The following CGGBP1 variants were observed in gnomAD, a reference collection of about 807,000 sequenced individuals.
CGGBP1 encodes the protein CGG triplet repeat-binding protein 1.
In CGGBP1, 4 loss-of-function variants were observed where a neutral mutation model predicts 11.4. The ratio of observed to expected loss-of-function variants is 0.35; its 90% CI spans 0.17 to 0.80. The LOEUF (loss-of-function observed/expected upper bound fraction) is 0.80. Among genes scored for constraint, CGGBP1 ranks in the 30% least tolerant of loss-of-function variants. CGGBP1 has a pLI of 0.52. For synonymous variants in CGGBP1, 76 were observed against 74.1 expected (o/e 1.03, Z -0.13); for missense variants, 135 against 202.1 (o/e 0.67, Z 2.01).
At chr3:88,073,980 C>T (rs1161886420) in intron 2 of CGGBP1, among the ~76,000 whole-genome samples, 1 of 152,020 alleles carries the variant, frequency 6.6e-6, no homozygotes, top group African/African-American at 2.4e-5. Flanking sequence ...GCTAATTAAC[C>T]TGTGATAGTG....
chr3:88,141,679 A>G (rs952645478), intron 1 of CGGBP1: 3 of 1,494,132 alleles, frequency 2.0e-6, no homozygotes, highest in Non-Finnish European at 1.8e-6. Context: ...AGATCTGTCA[A>G]TCAAGCAGTA....
intron 2 of CGGBP1, among the ~76,000 whole-genome samples, chr3:88,077,467 G>A (rs1440641727): frequency 6.6e-6 from 1 of 151,652 alleles, no homozygotes; most frequent in African/African-American, 2.4e-5. Flanking sequence ...CGAGGAGGTG[G>A]GACTACAGAC....
chr3:88,098,695 G>A (rs1250446804), intron 2 of CGGBP1, among the ~76,000 whole-genome samples: 5 of 152,186 alleles, frequency 3.3e-5, no homozygotes, highest in Middle Eastern at 3.4e-3. Context: ...ATCAATAAAC[G>A]TAATCCAGCA....
At chr3:88,098,749 G>T in intron 2 of CGGBP1, among the ~76,000 whole-genome samples, 1 of 152,160 alleles carries the variant, frequency 6.6e-6, no homozygotes, top group African/African-American at 2.4e-5. Flanking sequence ...TATCTCAATA[G>T]ATGCAGAAAA....
intron 2 of CGGBP1, among the ~76,000 whole-genome samples, chr3:88,066,176 G>C (rs924420953): frequency 5.3e-5 from 8 of 152,142 alleles, no homozygotes; most frequent in African/African-American, 1.9e-4. Flanking sequence ...ATTTTAGAAT[G>C]ACCAATGAGG....
chr3:88,141,101 A>T, intron 1 of CGGBP1: 7 of 1,521,316 alleles, frequency 4.6e-6, no homozygotes, highest in Non-Finnish European at 6.1e-6. Flanking sequence ...AAAATGGCAT[A>T]AATAAAACTA....
intron 2 of CGGBP1, among the ~76,000 whole-genome samples, chr3:88,091,810 G>C (rs1442327649): frequency 6.6e-6 from 1 of 152,150 alleles, no homozygotes; most frequent in Non-Finnish European, 1.5e-5. Flanking sequence ...ACATGCCTTT[G>C]TTCCTCCTTC....
In CGGBP1 at chr3:88,053,002, C is replaced by A. The variant is rs2107554482; in HGVS notation, c.*2471G>T. ...AAGGCAGTTTATAAATGAAACATTA[C>A]AAATCTTATGTTTATGCATACAACT... is the stretch of plus-strand genomic sequence containing the variant. On this transcript the variant is annotated 3_prime_UTR_variant, in exon 4 of 4. Transcript: ENST00000482016. The A allele has an allele frequency of 6.6e-6, 1 of 152,666 alleles. No homozygotes were observed. Among genetic ancestry groups the A allele is most frequent in the Admixed American group, 6.5e-5 (1 of 15,298 alleles). 9.5% of individuals were successfully genotyped at this position (152,666 alleles called of 1,614,324 possible).
chr3:88,135,159 A>G (rs1304150394), intron 2 of CGGBP1: 3 of 1,488,318 alleles, frequency 2.0e-6, no homozygotes, highest in Non-Finnish European at 2.7e-6. Flanking sequence ...ACAGCAACTA[A>G]TGTGAGAGTC....
At chr3:88,060,402 G>T (rs532102640), upstream of CGGBP1, among the ~76,000 whole-genome samples, 4 of 152,214 alleles carry the variant, frequency 2.6e-5, no homozygotes, top group East Asian at 7.7e-4. Flanking sequence ...TGTGTACTCT[G>T]CATTCTCATC....
At chr3:88,138,998 G>C (rs1706965688) in intron 2 of CGGBP1, 1 of 1,245,200 alleles carries the variant, frequency 8.0e-7, no homozygotes, top group Admixed American at 4.0e-5. Flanking sequence ...TTTTGAAAAA[G>C]GGATTGTTTT....
At chr3:88,116,068 T>C (rs1705370973) in intron 2 of CGGBP1, among the ~76,000 whole-genome samples, 1 of 152,018 alleles carries the variant, frequency 6.6e-6, no homozygotes, top group African/African-American at 2.4e-5. Flanking sequence ...TCCCCCTCTA[T>C]CCCCTGCTTG....
At chr3:88,106,588 C>T (rs1462099184) in intron 2 of CGGBP1, among the ~76,000 whole-genome samples, 4 of 152,220 alleles carry the variant, frequency 2.6e-5, no homozygotes, top group African/African-American at 9.6e-5. Context: ...ATTGATCCAC[C>T]CACCTCGGCC....
intron 2 of CGGBP1, among the ~76,000 whole-genome samples, chr3:88,089,662 C>A (rs1426057643): frequency 1.3e-5 from 2 of 152,012 alleles, no homozygotes; most frequent in African/African-American, 4.8e-5. Context: ...TCTTTCAGGG[C>A]TGTTGACAGT....
At chr3:88,056,295 C>G (rs1706540301) in intron 3 of CGGBP1, 1 of 217,558 alleles carries the variant, frequency 4.6e-6, no homozygotes, top group South Asian at 1.3e-4. Context: ...TTTAGGGAAA[C>G]CTAATCACAG....
At chr3:88,147,486 G>A (rs1272230790) in intron 1 of CGGBP1, among the ~76,000 whole-genome samples, 1 of 152,154 alleles carries the variant, frequency 6.6e-6, no homozygotes, top group African/African-American at 2.4e-5. Flanking sequence ...GAGATTGACA[G>A]AATAATAAGG....
chr3:88,052,455 G>C lies in CGGBP1; in HGVS notation c.*3018C>G, dbSNP rs371632609. 4.6e-5 allele frequency: 7 copies of C among 152,624 alleles called. No individual in the cohort carries two copies. The highest frequency in any genetic ancestry group is 1.7e-4 in the African/African-American group (7 of 41,460). 9.5% of individuals were successfully genotyped at this position (152,624 alleles called of 1,614,324 possible). ...AAGACTAAGCACCAAATGATGAACT[G>C]TTTGTGGCTTTTGTTTTGGGCCATC... On this transcript the variant is annotated 3_prime_UTR_variant, in exon 4 of 4. Transcript: ENST00000482016.
At chr3:88,077,666 A>G (rs1707886280) in intron 2 of CGGBP1, among the ~76,000 whole-genome samples, 1 of 139,562 alleles carries the variant, frequency 7.2e-6, no homozygotes, top group Non-Finnish European at 1.6e-5. Context: ...ACACATAGGA[A>G]AGATAAATGA....
At chr3:88,062,840 A>G (rs1706964551), upstream of CGGBP1, among the ~76,000 whole-genome samples, 1 of 152,230 alleles carries the variant, frequency 6.6e-6, no homozygotes, top group African/African-American at 2.4e-5. Context: ...TAGCACACAG[A>G]TAGACTTAAA....
Sources: gnomAD v4.1 joint callset for allele counts (sites outside exome capture counted in the v4.1 genomes callset) on GRCh38, gnomAD v4.1.1 for gene constraint, MANE v1.5 for transcripts, NCBI Gene and HGNC (gene_info 2026-07-23, HGNC 2026-07-21) for gene names.